SHTN1: variants seen among roughly 807,000 people sequenced by gnomAD.
SHTN1 encodes the protein shootin-1.
SHTN1 carries 42 observed loss-of-function variants against 83.1 expected under a neutral mutation model. The observed-to-expected ratio is 0.51, with a 90% CI of 0.39 to 0.65. SHTN1 has a LOEUF of 0.65. Ranked by LOEUF, SHTN1 falls within the 30% of genes least tolerant of loss-of-function variation. The pLI, the probability that SHTN1 is intolerant of heterozygous loss-of-function variation, is 0.00. For synonymous variants in SHTN1, 224 were observed against 247.7 expected, an observed-to-expected ratio of 0.90 and a Z score of 0.90; for missense variants, 622 against 737.8, an observed-to-expected ratio of 0.84 and a Z score of 1.82.
At chr10:117,037,998 C>CAAAAAAAAA (rs71013632) in intron 2 of SHTN1, among the ~76,000 whole-genome samples, 1 of 75,462 alleles carries the variant, frequency 1.3e-5, no homozygotes, top group Non-Finnish European at 2.3e-5. Flanking sequence ...AGCGAGACTT[C>CAAAAAAAAA]AAAAAAAAAA....
At chr10:117,088,984 T>C (rs976173641) in intron 1 of SHTN1, among the ~76,000 whole-genome samples, 2 of 152,156 alleles carry the variant, frequency 1.3e-5, no homozygotes, top group African/African-American at 4.8e-5. Context: ...ACCTGGCACA[T>C]TATTATTGAG....
upstream of SHTN1, chr10:117,005,197 T>C: frequency 1.3e-6 from 2 of 1,528,682 alleles, no homozygotes; most frequent in Non-Finnish European, 8.8e-7. Flanking sequence ...GGAAGTTGGA[T>C]CCGCTCCCGC....
At position 116,951,941 on chromosome 10, in the gene SHTN1, G is replaced by A. The variant is rs763789922; in HGVS notation, c.502C>T (p.Leu168Phe). The change falls in exon 6 of 17, where the codon CTC (leucine) becomes TTC (phenylalanine). Residue 168 changes from leucine to phenylalanine, a missense_variant. Around this residue, in one of 3 missense-constraint regions of SHTN1, gnomAD observed 383 missense variants for 455.8 expected, o/e 0.84. Transcript: ENST00000355371. ...KKILAIELEN[L>F]KSKLVEVIEE... ...ATTACTTCTACGAGTTTGCTCTTGA[G>A]ATTTTCCAGCTCAATGGCTAAAATC... The A allele has an allele frequency of 6.3e-7, 1 of 1,596,956 alleles. No individual in the cohort carries two copies. The highest frequency in any genetic ancestry group is 8.6e-7 in the Non-Finnish European group (1 of 1,169,420).
chr10:116,962,044 CCCCCCCTTCCACATCA>C (rs1204517800), intron 3 of SHTN1, among the ~76,000 whole-genome samples: 2 of 131,606 alleles, frequency 1.5e-5, no homozygotes, highest in African/African-American at 5.6e-5. Flanking sequence ...TTGAAGCTCC[CCCCCCCTTCCACATCA>C]CCCCCCTTCT....
intron 2 of SHTN1, among the ~76,000 whole-genome samples, chr10:117,022,582 T>C (rs977828610): frequency 2.0e-5 from 3 of 152,184 alleles, no homozygotes; most frequent in Non-Finnish European, 4.4e-5. Context: ...TCTGAGAATC[T>C]AGACACTTCG....
chr10:116,896,709 G>A (rs187558073), intron 16 of SHTN1, among the ~76,000 whole-genome samples: 2 of 151,936 alleles, frequency 1.3e-5, no homozygotes, highest in Admixed American at 6.5e-5. Context: ...GAGCGGCTCC[G>A]AAGCAGTCGT....
chr10:116,949,874 AAAG>A (rs1268960566), intron 6 of SHTN1, among the ~76,000 whole-genome samples: 3 of 152,194 alleles, frequency 2.0e-5, no homozygotes, highest in African/African-American at 7.2e-5. Context: ...TTTTAAAAAA[AAAG>A]AACATAAAGT....
intron 11 of SHTN1, among the ~76,000 whole-genome samples, chr10:116,925,260 G>A (rs1848706362): frequency 6.6e-6 from 1 of 152,166 alleles, no homozygotes; most frequent in Non-Finnish European, 1.5e-5. Context: ...GTGGCCCTCA[G>A]CCAATCATTT....
chr10:117,001,727 G>A (rs1380669051), intron 1 of SHTN1, among the ~76,000 whole-genome samples: 1 of 152,170 alleles, frequency 6.6e-6, no homozygotes, highest in Non-Finnish European at 1.5e-5. Flanking sequence ...AAAAGAGATA[G>A]AAGAGAGGAC....
At chr10:116,975,647 T>C (rs1295843056) in intron 2 of SHTN1, among the ~76,000 whole-genome samples, 1 of 135,884 alleles carries the variant, frequency 7.4e-6, no homozygotes, top group Non-Finnish European at 1.6e-5. Flanking sequence ...AAGTCACTGA[T>C]AAAAAAAAAA....
intron 2 of SHTN1, among the ~76,000 whole-genome samples, chr10:116,975,510 G>A (rs758502285): frequency 3.6e-4 from 54 of 152,012 alleles, no homozygotes; most frequent in Non-Finnish European, 6.9e-4. Flanking sequence ...CATTAGAGTG[G>A]TTTTACTCAA....
At chr10:117,000,611 C>T (rs1851789677) in intron 1 of SHTN1, among the ~76,000 whole-genome samples, 1 of 152,132 alleles carries the variant, frequency 6.6e-6, no homozygotes, top group African/African-American at 2.4e-5. Context: ...AAAATTTCAT[C>T]AACTTGGAAA....
chr10:117,098,756 G>A (rs940053464), intron 1 of SHTN1, among the ~76,000 whole-genome samples: 1 of 152,072 alleles, frequency 6.6e-6, no homozygotes, highest in Non-Finnish European at 1.5e-5. Flanking sequence ...ATATACTATT[G>A]ACATCAGTAT....
At chr10:116,999,485 G>C (rs551585309) in intron 1 of SHTN1, among the ~76,000 whole-genome samples, 1 of 152,098 alleles carries the variant, frequency 6.6e-6, no homozygotes, top group Non-Finnish European at 1.5e-5. Context: ...TGCATAAAAC[G>C]CCTAAAAAGT....
At position 116,950,807 on chromosome 10, in the gene SHTN1, A is replaced by G. The variant is rs780667136; in HGVS notation, c.534+1102T>C. On this transcript the variant is annotated intron_variant, in intron 6 of 16. Coordinates refer to ENST00000355371, the MANE Select transcript of SHTN1 (RefSeq NM_001127211.3). ...CCATTCGTTACAATGTTTTGCCACA[A>G]TAATAAAAGGAGCTCAGGCTGGGAA... Among the ~76,000 whole-genome samples, 7 of 152,158 alleles carry G rather than the reference A, an allele frequency of 4.6e-5. No homozygotes were observed. In the South Asian group the frequency reaches 1.0e-3, roughly 23 times the overall value.
At chr10:117,109,357 T>C (rs1206237798) in intron 1 of SHTN1, among the ~76,000 whole-genome samples, 1 of 152,002 alleles carries the variant, frequency 6.6e-6, no homozygotes, top group Non-Finnish European at 1.5e-5. Context: ...TTGAGCACAG[T>C]AGACACTCAA....
intron 1 of SHTN1, among the ~76,000 whole-genome samples, chr10:117,082,434 C>T (rs904360601): frequency 6.7e-6 from 1 of 149,904 alleles, no homozygotes; most frequent in African/African-American, 2.4e-5. Context: ...TTTACATTTG[C>T]TGAGGAGAGC....
Position 117,005,036 on chromosome 10 carries a change from C to G in SHTN1, c.44G>C (p.Ser15Thr), listed in dbSNP as rs1851964600. 1 of 1,598,090 alleles carries G rather than the reference C, an allele frequency of 6.3e-7. No homozygotes were observed. The highest frequency in any genetic ancestry group is 1.3e-5 in the African/African-American group (1 of 74,784). The change falls in exon 1 of 17, where the codon AGT becomes ACT. Residue 15 changes from serine (S) to threonine (T), a missense_variant. Transcript: ENST00000355371. ...GTGCTGCCTACCTTGCTCCTTCAGA[C>G]TGGTAATGAGCTGCAGCTGCTTCTC... ...DEEKQLQLIT[S>T]LKEQAIGEYE...
intron 1 of SHTN1, among the ~76,000 whole-genome samples, chr10:117,119,097 CAT>C (rs2133645041): frequency 6.6e-6 from 1 of 152,274 alleles, no homozygotes; most frequent in African/African-American, 2.4e-5. Flanking sequence ...ACAAATATCA[CAT>C]GTTCTCATTC....
Sources: allele counts gnomAD v4.1 joint callset (sites outside exome capture counted in the v4.1 genomes callset), GRCh38; gene constraint gnomAD v4.1.1; regional missense constraint gnomAD v4.1.1; transcripts MANE v1.5; gene names NCBI Gene and HGNC (gene_info 2026-07-23, HGNC 2026-07-21).